Variants in KLRC1 observed in about 807,000 individuals in gnomAD.
KLRC1 encodes the protein killer cell lectin like receptor C1.
Under a neutral mutation model 25.9 loss-of-function variants are expected in KLRC1, and 22 were observed. The observed-to-expected ratio is 0.85, with a 90% CI of 0.61 to 1.21. The LOEUF (loss-of-function observed/expected upper bound fraction) is 1.21. Among genes scored for constraint, KLRC1 ranks in the 50% most tolerant of loss-of-function variants. The probability of loss-of-function intolerance (pLI) is 0.00; values close to 1 mark genes in which losing one functional copy is unlikely to be tolerated. For missense variants in KLRC1, 240 were observed against 272.2 expected, an observed-to-expected ratio of 0.88 and a Z score of 0.83; for synonymous variants, 77 against 93.1, an observed-to-expected ratio of 0.83 and a Z score of 0.99.
chr12:10,445,957 A>T (rs527718445), downstream of KLRC1: 1 of 152,110 alleles, frequency 6.6e-6, no homozygotes, highest in African/African-American at 2.4e-5. Flanking sequence ...AAAAGTCAAT[A>T]TTATAAAGAA....
downstream of KLRC1, among the ~76,000 whole-genome samples, chr12:10,443,250 C>G (rs1300926887): frequency 1.4e-5 from 2 of 141,456 alleles, 1 homozygote; most frequent in African/African-American, 5.4e-5. Flanking sequence ...TCCCTCAAAA[C>G]AGCTCACGGA....
downstream of KLRC1, among the ~76,000 whole-genome samples, chr12:10,445,010 C>T (rs368873553): frequency 6.7e-6 from 1 of 149,490 alleles, no homozygotes; most frequent in East Asian, 2.0e-4. Context: ...ACCTCCGACC[C>T]CTGGTTTGAA....
intron 1 of KLRC1, 28 bp downstream of exon 1, chr12:10,453,170 T>A: frequency 1.0e-6 from 1 of 958,752 alleles, no homozygotes; most frequent in Non-Finnish European, 1.2e-6. Flanking sequence ...GGTAGGCTAG[T>A]AGAGAGTTGG....
downstream of KLRC1, among the ~76,000 whole-genome samples, chr12:10,445,201 A>G (rs554210934): frequency 4.1e-4 from 62 of 152,224 alleles, no homozygotes; most frequent in African/African-American, 1.3e-3. Context: ...TACAGACATC[A>G]GCCACCACAC....
Position 10,446,624 on chromosome 12 carries a change from A to C in KLRC1, c.629T>G (p.Val210Gly). 1 of 1,613,994 alleles carries C rather than the reference A, an allele frequency of 6.2e-7. No homozygotes were observed. The change falls in exon 7 of 7, where the codon GTG (valine) becomes GGG (glycine). Residue 210 changes from valine to glycine, a missense_variant. Physicochemically the swap from Val to Gly is moderately radical, Grantham distance 109 (BLOSUM62 -3). Coordinates refer to ENST00000359151, the MANE Select transcript of KLRC1 (RefSeq NM_002259.5). ...TGATTTAAGTCGATTTACTTGTAGCACTGCACAGTTAAGTTCAGCATTATC... is the reference window on the plus strand; with the variant it reads ...TGATTTAAGTCGATTTACTTGTAGCCCTGCACAGTTAAGTTCAGCATTATC... The part of the protein sequence containing the change: ...DSDNAELNCA[V>G]LQVNRLKSAQ...
intron 5 of KLRC1, among the ~76,000 whole-genome samples, chr12:10,448,069 C>A (rs4415856): frequency 0.29 from 43,900 of 151,964 alleles, 7,571 homozygotes; most frequent in African/African-American, 0.49. Context: ...TAAGCCCTCA[C>A]TTTTTTATCT....
chr12:10,452,965 A>T (rs1407470443), intron 1 of KLRC1, among the ~76,000 whole-genome samples: 1 of 152,244 alleles, frequency 6.6e-6, no homozygotes, highest in African/African-American at 2.4e-5. Context: ...CTTAAACGAT[A>T]TTGATCAACA....
intron 3 of KLRC1, 188 bp from the exon 4 acceptor site, chr12:10,450,155 A>AAATTTCACCATCTCATATAGTTCTTAT (rs1864091311): frequency 2.1e-6 from 1 of 466,290 alleles, no homozygotes; most frequent in African/African-American, 2.0e-5. Flanking sequence ...CTAAAGAACC[A>AAATTTCACCATCTCATATAGTTCTTAT]AATTTCACCA....
Position 10,447,647 on chromosome 12 carries a change from A to C in KLRC1, c.490-15T>G. 3 of 1,566,214 alleles carry C rather than the reference A, an allele frequency of 1.9e-6. No homozygotes were observed. In the East Asian group the frequency reaches 6.8e-5, roughly 35 times the overall value. On this transcript the variant is annotated splice_polypyrimidine_tract_variant and intron_variant, in intron 5 of 6. Transcript: ENST00000359151. ...GACAGAAATTTCTAAAAGAAAAGAA[A>C]GAATTTTCACTTAAATAATAATTAT...
At chr12:10,449,600 T>C (rs569010543) in intron 4 of KLRC1, among the ~76,000 whole-genome samples, 1 of 152,302 alleles carries the variant, frequency 6.6e-6, no homozygotes, top group African/African-American at 2.4e-5. Flanking sequence ...TGTTCCCATA[T>C]AAAGCAAACC....
At position 10,447,538 on chromosome 12, in the gene KLRC1, T is replaced by C. The variant is rs181158957; in HGVS notation, c.584A>G (p.Lys195Arg). ...GCCATACAAAACAACTTACTCATGT[T>C]TGAAAGCCAAACCATTCATTGTCAC... Reference protein sequence around the residue: ...PWVTMNGLAFKHEIKDSDNAE... With the variant: ...PWVTMNGLAFRHEIKDSDNAE... Residue 195 changes from lysine to arginine, a missense_variant, in exon 6 of 7, where the codon AAA (lysine) becomes AGA (arginine). Transcript: ENST00000359151. The C allele has an allele frequency of 2.7e-5, 43 of 1,608,742 alleles. No homozygotes were observed. In the Admixed American group the frequency reaches 4.7e-4, roughly 17 times the overall value.
At chr12:10,452,235 A>C (rs1175756998) in intron 1 of KLRC1, among the ~76,000 whole-genome samples, 2 of 152,128 alleles carry the variant, frequency 1.3e-5, no homozygotes, top group African/African-American at 2.4e-5. Context: ...ATAAAAGTAT[A>C]GGTAATTCAT....
At chr12:10,443,653 T>C (rs1424474643), downstream of KLRC1, among the ~76,000 whole-genome samples, 2 of 141,656 alleles carry the variant, frequency 1.4e-5, no homozygotes, top group Admixed American at 6.9e-5. Context: ...CACGTAGTTA[T>C]CACTCATATG....
At chr12:10,453,436 G>C, upstream of KLRC1, 1 of 843,760 alleles carries the variant, frequency 1.2e-6, no homozygotes, top group Admixed American at 6.2e-5. Flanking sequence ...TCTACACATG[G>C]GCTATTGTGA....
chr12:10,446,603 T>G lies in KLRC1; in HGVS notation c.650A>C (p.Lys217Thr), dbSNP rs1863991306. ...NCAVLQVNRL[K>T]SAQCGSSIIY... Reference sequence around the variant, plus strand: ...TATTGAAGATCCACACTGGGCTGATTTAAGTCGATTTACTTGTAGCACTGC... The same window carrying G: ...TATTGAAGATCCACACTGGGCTGATGTAAGTCGATTTACTTGTAGCACTGC... The change falls in exon 7 of 7, where the codon AAA becomes ACA. Residue 217 changes from lysine (K) to threonine (T), a missense_variant. Transcript: ENST00000359151. The G allele has an allele frequency of 6.2e-7, 1 of 1,613,898 alleles. No homozygotes were observed. The highest frequency in any genetic ancestry group is 1.1e-5 in the South Asian group (1 of 91,090).
intron 4 of KLRC1, 23 bp downstream of exon 4, chr12:10,449,891 A>C: frequency 7.0e-7 from 1 of 1,432,394 alleles, no homozygotes; most frequent in Non-Finnish European, 9.3e-7. Flanking sequence ...TACAATATTA[A>C]AACTTTAAAA....
In KLRC1 at chr12:10,446,193, TATCAGTTAGAGGTCATCTCCTATTTC is replaced by T. The variant is rs2137885947; in HGVS notation, c.*332_*357del. On this transcript the variant is annotated 3_prime_UTR_variant, in exon 7 of 7. Coordinates refer to ENST00000359151, the MANE Select transcript of KLRC1 (RefSeq NM_002259.5). ...TTCATCACGACACAAAGTAACGTTC[TATCAGTTAGAGGTCATCTCCTATTTC>T]AACCTCCCTCAGACATTGGCAACCA... 4.7e-6 allele frequency: 1 copy of T among 214,222 alleles called. No homozygotes were observed. The highest frequency in any genetic ancestry group is 8.8e-6 in the Non-Finnish European group (1 of 113,878). 13.3% of individuals were successfully genotyped at this position (214,222 alleles called of 1,614,324 possible).
chr12:10,446,245 C>G lies in KLRC1; in HGVS notation c.*306G>C, dbSNP rs1171350272. ...AACCTCCCTCAGACATTGGCAACCACTATTCTACTTTCTGTCTCCATGGGT... is the reference window on the plus strand; with the variant it reads ...AACCTCCCTCAGACATTGGCAACCAGTATTCTACTTTCTGTCTCCATGGGT... On this transcript the variant is annotated 3_prime_UTR_variant, in exon 7 of 7. Transcript: ENST00000359151. 4 of 465,332 alleles carry G rather than the reference C, an allele frequency of 8.6e-6. No homozygotes were observed. The highest frequency in any genetic ancestry group is 1.2e-5 in the Non-Finnish European group (4 of 328,478). The allele number at this position is 465,332 out of a possible 1,614,324, so 28.8% of individuals were successfully genotyped here.
In KLRC1 at chr12:10,449,940, G is replaced by A; in HGVS notation, c.311C>T (p.Ser104Phe). The A allele has an allele frequency of 6.7e-7, 1 of 1,490,480 alleles. No homozygotes were observed. Among genetic ancestry groups the A allele is most frequent in the Non-Finnish European group, 9.0e-7 (1 of 1,117,088 alleles). 92.3% of individuals were successfully genotyped at this position (1,490,480 alleles called of 1,614,324 possible). ...PSTLIQRHNN[S>F]SLNTRTQKAR... ...TTTCTGAGTTCTTGTATTCAGGGAAGAATTGTTGTGCCTCTGTATTAATGT... is the reference window on the plus strand; with the variant it reads ...TTTCTGAGTTCTTGTATTCAGGGAAAAATTGTTGTGCCTCTGTATTAATGT... The change falls in exon 4 of 7, where the codon TCT becomes TTT. Residue 104 changes from serine to phenylalanine, a missense_variant. By Grantham distance (155) the Ser-to-Phe change is radical (BLOSUM62 -2). Coordinates refer to ENST00000359151, the MANE Select transcript of KLRC1 (RefSeq NM_002259.5).
Sources: allele counts gnomAD v4.1 joint callset (sites outside exome capture counted in the v4.1 genomes callset), GRCh38; gene constraint gnomAD v4.1.1; transcripts MANE v1.5; gene names NCBI Gene and HGNC (gene_info 2026-07-23, HGNC 2026-07-21).